Variants in SDHAF4 observed in about 807,000 individuals in gnomAD.
The protein encoded by SDHAF4 is succinate dehydrogenase complex assembly factor 4.
In SDHAF4, 14 loss-of-function variants were observed where a neutral mutation model predicts 14.3. The ratio of observed to expected loss-of-function variants is 0.98; its 90% confidence interval spans 0.65 to 1.53. The LOEUF (loss-of-function observed/expected upper bound fraction) is 1.53, where lower values mean the gene tolerates loss of function less well. Among genes scored for constraint, SDHAF4 ranks in the 40% most tolerant of loss-of-function variants. The pLI, the probability that SDHAF4 is intolerant of heterozygous loss-of-function variation, is 0.00. For synonymous variants in SDHAF4, 63 were observed against 47.3 expected (o/e 1.33, Z -1.36); for missense variants, 141 against 129.3 (o/e 1.09, Z -0.44).
the SDHAF4 span, among the ~76,000 whole-genome samples, chr6:70,597,668 T>C: frequency 1.3e-5 from 2 of 152,202 alleles, no homozygotes; most frequent in East Asian, 3.8e-4. Context: ...TGGTACTAGA[T>C]GACTCTTCAG....
the SDHAF4 span, among the ~76,000 whole-genome samples, chr6:70,595,425 G>A: frequency 6.6e-6 from 1 of 152,120 alleles, no homozygotes; most frequent in Non-Finnish European, 1.5e-5. Flanking sequence ...TAGTCATTTG[G>A]TCCTTATATC....
Position 70,566,934 on chromosome 6 carries a change from C to G in SDHAF4, c.-7C>G. On this transcript the variant is annotated 5_prime_UTR_variant, in exon 1 of 3. Coordinates refer to ENST00000370474, the MANE Select transcript of SDHAF4 (RefSeq NM_145267.3). ...GCGCCTGCGCGGAGGCTCGGGGAGT[C>G]GGCGCCATGACCCCATCGAGGCTTC... is the stretch of plus-strand genomic sequence containing the variant. 1 of 1,576,974 alleles carries G rather than the reference C, an allele frequency of 6.3e-7. No individual in the cohort carries two copies.
intron 2 of SDHAF4, among the ~76,000 whole-genome samples, chr6:70,584,198 G>A (rs544047597): frequency 2.6e-5 from 4 of 152,196 alleles, no homozygotes; most frequent in East Asian, 3.9e-4. Flanking sequence ...TGTATTTTTA[G>A]TAGAGATGGG....
chr6:70,588,842 A>AATATATATCTATATATATATAT lies in SDHAF4; in HGVS notation c.*126_*127insCTATATATATATATATATATAT. Reference sequence around the variant, plus strand: ...TCGTGTAGTTTGTATAATGTGTTTAAATATATATATATATGATGGCTTTGG... The same window carrying AATATATATCTATATATATATAT: ...TCGTGTAGTTTGTATAATGTGTTTAAATATATATCTATATATATATATATATATATATATATGATGGCTTTGG... On this transcript the variant is annotated 3_prime_UTR_variant, in exon 3 of 3. Transcript: ENST00000370474. The AATATATATCTATATATATATAT allele has an allele frequency of 2.9e-6, 1 of 339,216 alleles. No homozygotes were observed. Among genetic ancestry groups the AATATATATCTATATATATATAT allele is most frequent in the African/African-American group, 2.4e-5 (1 of 41,902 alleles). 21.0% of individuals were successfully genotyped at this position (339,216 alleles called of 1,614,324 possible).
chr6:70,596,428 T>C, the SDHAF4 span: 6 of 152,230 alleles, frequency 3.9e-5, no homozygotes, highest in Non-Finnish European at 7.3e-5. Context: ...ACTCTCTCCT[T>C]CACAGGTGTC....
At chr6:70,583,221 T>A (rs1262053344) in intron 2 of SDHAF4, among the ~76,000 whole-genome samples, 1 of 152,220 alleles carries the variant, frequency 6.6e-6, no homozygotes, top group African/African-American at 2.4e-5. Context: ...CAAGCGATTC[T>A]CCTGCCTCAG....
intron 2 of SDHAF4, among the ~76,000 whole-genome samples, chr6:70,587,263 G>A (rs1765213364): frequency 6.6e-6 from 1 of 152,006 alleles, no homozygotes; most frequent in African/African-American, 2.4e-5. Context: ...GCCAAGGTGG[G>A]TGGATCATTT....
Position 70,576,914 on chromosome 6 carries a change from T to G in SDHAF4, c.65-2500T>G, listed in dbSNP as rs1802263095. ...GCTGCTGTAACATATTACCACAAAT[T>G]TGGTGGCTTAACACATTTTACAGGT... On this transcript the variant is annotated intron_variant, in intron 1 of 2. Transcript: ENST00000370474. Among the ~76,000 whole-genome samples, 6 of 152,194 alleles carry G rather than the reference T, an allele frequency of 3.9e-5. 1 individual carries two copies. In the South Asian group the frequency reaches 1.2e-3, roughly 31 times the overall value.
At chr6:70,572,424 A>C (rs2128533849) in intron 1 of SDHAF4, among the ~76,000 whole-genome samples, 1 of 152,248 alleles carries the variant, frequency 6.6e-6, no homozygotes, top group South Asian at 2.1e-4. Context: ...CTGAAAGTAG[A>C]TTTTAAATTT....
At chr6:70,584,574 C>T (rs1286065953) in intron 2 of SDHAF4, among the ~76,000 whole-genome samples, 1 of 152,056 alleles carries the variant, frequency 6.6e-6, no homozygotes, top group African/African-American at 2.4e-5. Context: ...TAAAATGGGA[C>T]ACTGAGAGCA....
intron 2 of SDHAF4, among the ~76,000 whole-genome samples, chr6:70,581,141 G>T (rs754055275): frequency 5.3e-5 from 8 of 152,012 alleles, no homozygotes; most frequent in Non-Finnish European, 8.8e-5. Context: ...TGTTGGCCAG[G>T]CTGGTCTTGA....
chr6:70,585,686 A>G (rs1366503051), intron 2 of SDHAF4, among the ~76,000 whole-genome samples: 1 of 152,240 alleles, frequency 6.6e-6, no homozygotes, highest in Non-Finnish European at 1.5e-5. Context: ...GAAAAAGCCA[A>G]CTTGCATTGC....
chr6:70,573,053 C>G (rs1802205154), intron 1 of SDHAF4, among the ~76,000 whole-genome samples: 2 of 152,024 alleles, frequency 1.3e-5, no homozygotes, highest in Admixed American at 1.3e-4. Context: ...TAGCTCATTA[C>G]ACCCTTGATC....
downstream of SDHAF4, among the ~76,000 whole-genome samples, chr6:70,590,110 G>A (rs1379156816): frequency 2.6e-5 from 4 of 152,020 alleles, no homozygotes; most frequent in Admixed American, 1.3e-4. Context: ...TGGTGGTGCA[G>A]GCCTGTAATC....
chr6:70,574,498 T>A (rs1030349684), intron 1 of SDHAF4, among the ~76,000 whole-genome samples: 3 of 152,178 alleles, frequency 2.0e-5, no homozygotes, highest in African/African-American at 7.2e-5. Flanking sequence ...TCCTTAACTG[T>A]CTTTCTTCTA....
intron 1 of SDHAF4, among the ~76,000 whole-genome samples, chr6:70,576,437 G>A (rs541511718): frequency 3.3e-5 from 5 of 152,244 alleles, no homozygotes; most frequent in South Asian, 4.1e-4. Context: ...GCTCCTCCTC[G>A]CTTTCCCCAA....
downstream of SDHAF4, among the ~76,000 whole-genome samples, chr6:70,590,546 T>C (rs951481379): frequency 1.3e-5 from 2 of 152,336 alleles, no homozygotes; most frequent in South Asian, 4.1e-4. Flanking sequence ...TCCAGTGCCA[T>C]GCTGGGTCCA....
chr6:70,587,766 A>G (rs1385127033), intron 2 of SDHAF4, among the ~76,000 whole-genome samples: 1 of 152,214 alleles, frequency 6.6e-6, no homozygotes, highest in Non-Finnish European at 1.5e-5. Context: ...TAGCATACAT[A>G]AAGTGCTGAG....
chr6:70,585,202 G>A (rs1369950087), intron 2 of SDHAF4, among the ~76,000 whole-genome samples: 1 of 152,242 alleles, frequency 6.6e-6, no homozygotes, highest in Non-Finnish European at 1.5e-5. Flanking sequence ...TTTAGATCAT[G>A]AGAGTAAGGT....
Sources: gnomAD v4.1 joint callset for allele counts (sites outside exome capture counted in the v4.1 genomes callset) on GRCh38, gnomAD v4.1.1 for gene constraint, MANE v1.5 for transcripts, NCBI Gene and HGNC (gene_info 2026-07-23, HGNC 2026-07-21) for gene names.